Variants in DENND1A observed in about 807,000 individuals in gnomAD.
DENND1A encodes DENN domain-containing protein 1A.
A neutral mutation model predicts 113.7 loss-of-function variants in DENND1A; 51 were observed. The observed-to-expected ratio is 0.45, with a 90% CI of 0.36 to 0.57. The LOEUF is 0.57. DENND1A is among the 20% of genes least tolerant of loss of function. The probability of loss-of-function intolerance (pLI) is 0.00; values close to 1 mark genes in which losing one functional copy is unlikely to be tolerated. For synonymous variants in DENND1A, 565 were observed against 570.8 expected, an observed-to-expected ratio of 0.99 and a Z score of 0.14; for missense variants, 1,258 against 1,395.9, an observed-to-expected ratio of 0.90 and a Z score of 1.57.
rs551530426 is a variant in DENND1A, at chr9:123,719,395, G to A, written c.302+38308C>T. On this transcript the variant is annotated intron_variant, in intron 5 of 23. Coordinates refer to ENST00000394215, the MANE Select transcript of DENND1A (RefSeq NM_001352964.2). ...CCATTGCATTATGGCTGCCACTGCC[G>A]TGGATGACAATCACGAAGAGAACTG... 9.2e-5 allele frequency among the ~76,000 whole-genome samples: 14 copies of A among 152,328 alleles called. No individual in the cohort carries two copies. In the South Asian group the frequency reaches 1.0e-3, roughly 11 times the overall value.
intron 1 of DENND1A, among the ~76,000 whole-genome samples, chr9:123,917,382 G>A (rs533019959): frequency 6.6e-6 from 1 of 152,188 alleles, no homozygotes; most frequent in African/African-American, 2.4e-5. Flanking sequence ...CATTGTTGAC[G>A]GTAATGTTAG....
chr9:123,425,670 G>A (rs1480546674), intron 19 of DENND1A, among the ~76,000 whole-genome samples: 1 of 152,218 alleles, frequency 6.6e-6, no homozygotes, highest in Admixed American at 6.5e-5. Context: ...GGGTGCCAAG[G>A]ATACAGAGAA....
chr9:123,398,666 C>T (rs1157086814), intron 21 of DENND1A, among the ~76,000 whole-genome samples: 9 of 152,068 alleles, frequency 5.9e-5, no homozygotes, highest in East Asian at 1.9e-4. Flanking sequence ...CGTGAGCCAC[C>T]GCGCCCGGCC....
chr9:123,650,705 G>A (rs548289314), intron 9 of DENND1A, among the ~76,000 whole-genome samples: 5 of 151,978 alleles, frequency 3.3e-5, no homozygotes, highest in East Asian at 1.9e-4. Context: ...TCAAGAGTTC[G>A]AGACCAGCCT....
intron 13 of DENND1A, among the ~76,000 whole-genome samples, chr9:123,503,798 A>G (rs1388185279): frequency 2.6e-5 from 4 of 152,114 alleles, no homozygotes; most frequent in Admixed American, 2.0e-4. Flanking sequence ...CCCATCACCA[A>G]CAGGTCTTCT....
At chr9:123,564,709 G>A (rs759642921) in intron 12 of DENND1A, among the ~76,000 whole-genome samples, 17 of 152,212 alleles carry the variant, frequency 1.1e-4, no homozygotes, top group Non-Finnish European at 2.1e-4. Flanking sequence ...TGGTGTGACT[G>A]AGAAGCTGAA....
intron 5 of DENND1A, among the ~76,000 whole-genome samples, chr9:123,711,538 T>TATAA (rs1491053939): frequency 7.4e-6 from 1 of 135,972 alleles, no homozygotes; most frequent in African/African-American, 2.8e-5. Context: ...TATATATATA[T>TATAA]AAATTCAACA....
chr9:123,639,797 A>C lies in DENND1A; in HGVS notation c.619-9321T>G, dbSNP rs1354358458. On this transcript the variant is annotated intron_variant, in intron 9 of 23. Transcript: ENST00000394215. ...CATCTCAAAAAAAAAAAAAAAAAAA[A>C]CAAAAACAAAAAACAGCCACCACCA... 7.3e-5 allele frequency among the ~76,000 whole-genome samples: 11 copies of C among 150,520 alleles called. No individual in the cohort carries two copies. In the East Asian group the frequency reaches 1.4e-3, roughly 19 times the overall value.
chr9:123,672,163 C>G (rs2063796881), intron 6 of DENND1A, among the ~76,000 whole-genome samples: 1 of 152,164 alleles, frequency 6.6e-6, no homozygotes, highest in African/African-American at 2.4e-5. Context: ...TAGTAAGTTG[C>G]ACAGCTAAAG....
At chr9:123,634,749 T>C (rs1462187784) in intron 9 of DENND1A, among the ~76,000 whole-genome samples, 2 of 152,202 alleles carry the variant, frequency 1.3e-5, no homozygotes, top group Non-Finnish European at 2.9e-5. Flanking sequence ...TGAATATTCA[T>C]CAGAAGCCAA....
chr9:123,904,520 T>G (rs893628953), intron 1 of DENND1A, among the ~76,000 whole-genome samples: 11 of 142,206 alleles, frequency 7.7e-5, no homozygotes, highest in African/African-American at 3.1e-4. Context: ...GAGAAGTGCT[T>G]AAAGGAGCTG....
intron 12 of DENND1A, among the ~76,000 whole-genome samples, chr9:123,558,364 C>T (rs2057545194): frequency 6.6e-6 from 1 of 152,152 alleles, no homozygotes; most frequent in South Asian, 2.1e-4. Flanking sequence ...ATATTTCTCA[C>T]ACATCATACT....
intron 20 of DENND1A, among the ~76,000 whole-genome samples, chr9:123,409,626 G>C (rs1297876971): frequency 6.6e-6 from 1 of 151,910 alleles, no homozygotes; most frequent in Non-Finnish European, 1.5e-5. Flanking sequence ...CCAAGCATCA[G>C]TTTTCTCATT....
At chr9:123,399,530 G>A (rs536606974) in intron 21 of DENND1A, among the ~76,000 whole-genome samples, 122 of 152,290 alleles carry the variant, frequency 8.0e-4, no homozygotes, top group Non-Finnish European at 1.5e-3. Context: ...ACCATGCCCG[G>A]CTAATACCTC....
rs574662348 is a variant in DENND1A, at chr9:123,909,251, T to C, written c.17+20638A>G. On this transcript the variant is annotated intron_variant, in intron 1 of 23. Transcript: ENST00000394215. ...ATTGGCAGATATACCTAATGCTAGA[T>C]GATGAGTTAGTGGGTGCAGCGCACC... 2.6e-3 allele frequency among the ~76,000 whole-genome samples: 401 copies of C among 152,092 alleles called. 1 individual carries two copies. Among genetic ancestry groups the C allele is most frequent in the Middle Eastern group, 0.01 (3 of 294 alleles).
rs150371694 is a variant in DENND1A at position 123,385,221 on chromosome 9, A to G, written c.1761-1308T>C. ...CTCTTGTCTCCCAGGCTGGAGTGCA[A>G]TGGCGCAGTCTCGGCTCACTGCAAC... On this transcript the variant is annotated intron_variant, in intron 22 of 23. Transcript: ENST00000394215. Among the ~76,000 whole-genome samples the G allele has an allele frequency of 9.3e-3, 1,408 of 152,046 alleles. 27 individuals are homozygous for G. The highest frequency in any genetic ancestry group is 0.014 in the Middle Eastern group (4 of 294).
Position 123,381,288 on chromosome 9 carries a change from A to AT in DENND1A, c.*143_*144insA. 1 of 732,098 alleles carries AT rather than the reference A, an allele frequency of 1.4e-6. No individual in the cohort carries two copies. Among genetic ancestry groups the AT allele is most frequent in the East Asian group, 2.7e-5 (1 of 37,072 alleles). The allele number at this position is 732,098 out of a possible 1,614,324, so 45.4% of individuals were successfully genotyped here. On this transcript the variant is annotated 3_prime_UTR_variant, in exon 24 of 24. Transcript: ENST00000394215. This position sits in a 1 kb window ranked among gnomAD's most constrained non-coding sequence, Gnocchi z 4.7. ...CAGACATCAGAGATGGGCAGTGTGGAGGGGAGGAGGGGGCAGCAGAGAGGG... is the reference window on the plus strand; with the variant it reads ...CAGACATCAGAGATGGGCAGTGTGGATGGGGAGGAGGGGGCAGCAGAGAGGG...
rs142124487 is a variant in DENND1A at position 123,485,873 on chromosome 9, T to G, written c.994-27976A>C. On this transcript the variant is annotated intron_variant, in intron 13 of 23. Coordinates refer to ENST00000394215, the MANE Select transcript of DENND1A (RefSeq NM_001352964.2). ...GGAGGCTAAACTCTCATGCCTAGGC[T>G]TCTGGATTTTCTAGCCATTGCTAAC... Among the ~76,000 whole-genome samples the G allele has an allele frequency of 9.8e-4, 150 of 152,322 alleles. 2 individuals are homozygous for G. The highest frequency in any genetic ancestry group is 1.6e-3 in the Non-Finnish European group (110 of 68,018).
intron 3 of DENND1A, among the ~76,000 whole-genome samples, chr9:123,771,459 T>C (rs1829716312): frequency 6.6e-6 from 1 of 152,226 alleles, no homozygotes; most frequent in Non-Finnish European, 1.5e-5. Flanking sequence ...ACAGCCATTC[T>C]TTAAAACTCA....
Sources: gnomAD v4.1 joint callset for allele counts (sites outside exome capture counted in the v4.1 genomes callset) on GRCh38, gnomAD v4.1.1 for gene constraint, Gnocchi (gnomAD v3.1) non-coding constraint, MANE v1.5 for transcripts, NCBI Gene and HGNC (gene_info 2026-07-23, HGNC 2026-07-21) for gene names.